CCDC18: variants seen among roughly 807,000 people sequenced by gnomAD.
CCDC18 encodes the protein coiled-coil domain containing 18.
CCDC18 carries 157 observed loss-of-function variants against 196.0 expected under a neutral mutation model. The observed-to-expected ratio is 0.80, with a 90% CI of 0.70 to 0.91. The LOEUF (loss-of-function observed/expected upper bound fraction) is 0.91. CCDC18 is among the 40% of genes least tolerant of loss of function. The pLI is 0.00. For synonymous variants in CCDC18, 482 were observed against 529.2 expected (o/e 0.91, Z 1.22); for missense variants, 1,465 against 1,611.6 (o/e 0.91, Z 1.56).
rs377503417 is a variant in CCDC18, at chr1:93,258,804, T to C, written c.3603T>C (p.Ala1201=). 1 of 1,595,830 alleles carries C rather than the reference T, an allele frequency of 6.3e-7. No homozygotes were observed. Among genetic ancestry groups the C allele is most frequent in the Non-Finnish European group, 8.5e-7 (1 of 1,171,684 alleles). ...EELGASKVRE[A]HLEARMQAEI... is the part of the protein sequence containing the mutation. ...TGGGGGCTTCTAAAGTACGTGAAGC[T>C]CATTTAGAAGCAAGAATGCAAGCAG... The change falls in exon 26 of 29, where the codon GCT becomes GCC. Residue 1201 remains alanine (A), a synonymous_variant. Transcript: ENST00000690025.
At chr1:93,221,971 CTTTTT>C in intron 16 of CCDC18, 35 bp downstream of exon 16, 3 of 1,144,338 alleles carry the variant, frequency 2.6e-6, no homozygotes, top group Admixed American at 2.7e-5. Flanking sequence ...TCTTTCTTTC[CTTTTT>C]TTTTTTTTTA....
chr1:93,264,689 G>T lies in CCDC18; in HGVS notation c.3685-12G>T. 2 of 1,515,594 alleles carry T rather than the reference G, an allele frequency of 1.3e-6. No homozygotes were observed. The highest frequency in any genetic ancestry group is 1.2e-5 in the South Asian group (1 of 81,654). 93.9% of individuals were successfully genotyped at this position (1,515,594 alleles called of 1,614,324 possible). On this transcript the variant is annotated splice_polypyrimidine_tract_variant and intron_variant, in intron 26 of 28. Transcript: ENST00000690025. ...TTTATTTTTTTTCTTTTCCAATTCT[G>T]GGGCTATATAGATGATTTCACATCA...
chr1:93,213,111 C>T (rs935712467), intron 11 of CCDC18, among the ~76,000 whole-genome samples: 5 of 152,046 alleles, frequency 3.3e-5, no homozygotes, highest in African/African-American at 7.2e-5. Flanking sequence ...AGCAGTAATG[C>T]GAGCGATTGG....
intron 26 of CCDC18, among the ~76,000 whole-genome samples, chr1:93,261,332 T>C (rs541057326): frequency 9.9e-5 from 15 of 152,260 alleles, no homozygotes; most frequent in African/African-American, 3.6e-4. Flanking sequence ...ATAAATAGTA[T>C]ATACATCCTC....
chr1:93,253,211 C>G (rs1401701267), intron 23 of CCDC18, among the ~76,000 whole-genome samples: 3 of 152,222 alleles, frequency 2.0e-5, no homozygotes, highest in Admixed American at 6.5e-5. Flanking sequence ...AGAGTTGAGA[C>G]TGGGCCCCCT....
At position 93,216,644 on chromosome 1, in the gene CCDC18, G is replaced by T. The variant is rs1656522634; in HGVS notation, c.1728G>T (p.Lys576Asn). Residue 576 changes from lysine to asparagine, a missense_variant, in exon 13 of 29, where the codon AAG becomes AAT. Lys to Asn is a moderately conservative substitution (Grantham distance 94, BLOSUM62 0). Transcript: ENST00000690025. ...NSSKLESEMT[K>N]KCSQLLTLEK... The stretch of plus-strand genomic sequence containing the variant: ...TTTCAATGTGTTTTCAGATGACAAA[G>T]AAATGTTCTCAACTTTTAACTCTTG... 1 of 1,517,796 alleles carries T rather than the reference G, an allele frequency of 6.6e-7. No individual in the cohort carries two copies. The highest frequency in any genetic ancestry group is 1.4e-5 in the African/African-American group (1 of 70,594). The allele number at this position is 1,517,796 out of a possible 1,614,324, so 94.0% of individuals were successfully genotyped here.
chr1:93,234,972 T>TGG (rs1205010062), intron 18 of CCDC18, among the ~76,000 whole-genome samples: 28 of 148,796 alleles, frequency 1.9e-4, no homozygotes, highest in Non-Finnish European at 3.0e-5. Context: ...TGTGTGTGTG[T>TGG]GGCTTTTCTT....
At position 93,203,418 on chromosome 1, in the gene CCDC18, T is replaced by C. The variant is rs1312284518; in HGVS notation, c.795+1430T>C. Among the ~76,000 whole-genome samples the C allele has an allele frequency of 2.6e-5, 4 of 152,144 alleles. No homozygotes were observed. The East Asian group carries it at 7.7e-4, about 29-fold the overall frequency. Reference sequence around the variant, plus strand: ...GACATACAAATCTGTACTAGGGCTGTAGTTTTGAGAATTAACAGTACTGAA... The same window carrying C: ...GACATACAAATCTGTACTAGGGCTGCAGTTTTGAGAATTAACAGTACTGAA... On this transcript the variant is annotated intron_variant, in intron 7 of 28. Coordinates refer to ENST00000690025, the MANE Select transcript of CCDC18 (RefSeq NM_001378204.1).
chr1:93,197,415 A>G (rs1161478536), intron 6 of CCDC18, among the ~76,000 whole-genome samples: 2 of 152,338 alleles, frequency 1.3e-5, no homozygotes, highest in East Asian at 3.9e-4. Context: ...CATTTTAAAG[A>G]TGATACATTT....
intron 18 of CCDC18, among the ~76,000 whole-genome samples, chr1:93,234,973 G>GTGTGTGT (rs1557668666): frequency 2.5e-4 from 36 of 146,266 alleles, no homozygotes; most frequent in South Asian, 8.7e-4. Flanking sequence ...GTGTGTGTGT[G>GTGTGTGT]GCTTTTCTTT....
chr1:93,193,887 AT>A, intron 6 of CCDC18, 143 bp downstream of exon 6: 1 of 547,720 alleles, frequency 1.8e-6, no homozygotes, highest in Non-Finnish European at 3.0e-6. Context: ...TTATCTATTA[AT>A]TTTTTTAAAT....
rs146297765 is a variant in CCDC18 at position 93,267,258 on chromosome 1, A to C, written c.3885+2357A>C. ...AAAATTCAACAGCCCTTCATGCTAA[A>C]AACTCTCAAACTAGGTATTGATGGG... On this transcript the variant is annotated intron_variant, in intron 27 of 28. Coordinates refer to ENST00000690025, the MANE Select transcript of CCDC18 (RefSeq NM_001378204.1). 4.4e-3 allele frequency among the ~76,000 whole-genome samples: 664 copies of C among 152,322 alleles called. 5 individuals carry two copies. The highest frequency in any genetic ancestry group is 0.015 in the African/African-American group (629 of 41,568).
intron 21 of CCDC18, among the ~76,000 whole-genome samples, chr1:93,242,069 G>T (rs2100869619): frequency 6.6e-6 from 1 of 152,266 alleles, no homozygotes; most frequent in South Asian, 2.1e-4. Context: ...CAAAAGGGTT[G>T]AAAACAGATA....
At chr1:93,192,825 C>T (rs2815410) in intron 5 of CCDC18, among the ~76,000 whole-genome samples, 125,969 of 152,168 alleles carry the variant, frequency 0.83, 52,359 homozygotes, top group East Asian at 1. Flanking sequence ...TGAGTGATTC[C>T]GAAAGTATAG....
intron 27 of CCDC18, among the ~76,000 whole-genome samples, chr1:93,267,478 A>G (rs1664686138): frequency 1.3e-5 from 2 of 152,198 alleles, no homozygotes; most frequent in African/African-American, 2.4e-5. Context: ...AGGGTATTCA[A>G]TTAGGAAAAG....
At chr1:93,259,373 A>G (rs148575756) in intron 26 of CCDC18, among the ~76,000 whole-genome samples, 20 of 152,320 alleles carry the variant, frequency 1.3e-4, no homozygotes, top group African/African-American at 3.8e-4. Flanking sequence ...ATCTGTCAGC[A>G]TGTCTTGAGC....
At chr1:93,253,329 T>C (rs1662517860) in intron 23 of CCDC18, among the ~76,000 whole-genome samples, 2 of 152,174 alleles carry the variant, frequency 1.3e-5, no homozygotes, top group Admixed American at 1.3e-4. Context: ...TGGGAGGTGC[T>C]GGAGCTGAGA....
At chr1:93,204,134 A>G (rs1308390183) in intron 7 of CCDC18, among the ~76,000 whole-genome samples, 1 of 152,176 alleles carries the variant, frequency 6.6e-6, no homozygotes, top group Non-Finnish European at 1.5e-5. Flanking sequence ...TATCCTGAAC[A>G]TATTAGTAGG....
intron 26 of CCDC18, among the ~76,000 whole-genome samples, chr1:93,259,909 GTTTC>G (rs1465717615): frequency 4.6e-5 from 7 of 152,034 alleles, no homozygotes; most frequent in African/African-American, 1.5e-4. Context: ...TTATCCAATT[GTTTC>G]TTTTAGTTTT....
Sources: allele counts gnomAD v4.1 joint callset (sites outside exome capture counted in the v4.1 genomes callset), GRCh38; gene constraint gnomAD v4.1.1; transcripts MANE v1.5; gene names NCBI Gene and HGNC (gene_info 2026-07-23, HGNC 2026-07-21).